The following PAH variants were observed in gnomAD, a reference collection of about 807,000 sequenced individuals.
PAH encodes phenylalanine-4-hydroxylase.
A neutral mutation model predicts 62.0 loss-of-function variants in PAH; 64 were observed. The observed-to-expected ratio is 1.03, with a 90% CI of 0.84 to 1.27. The LOEUF (loss-of-function observed/expected upper bound fraction) is 1.27, where lower values mean the gene tolerates loss of function less well. Ranked by LOEUF, PAH falls within the 50% of genes most tolerant of loss-of-function variation. The probability of loss-of-function intolerance (pLI) is 0.00; values close to 1 mark genes in which losing one functional copy is unlikely to be tolerated. For missense variants in PAH, 579 were observed against 542.8 expected, an observed-to-expected ratio of 1.07 and a Z score of -0.66; for synonymous variants, 195 against 196.2, an observed-to-expected ratio of 0.99 and a Z score of 0.05.
At chr12:102,875,384 A>G (rs963592860) in intron 4 of PAH, among the ~76,000 whole-genome samples, 2 of 152,218 alleles carry the variant, frequency 1.3e-5, no homozygotes, top group Non-Finnish European at 2.9e-5. Flanking sequence ...ACGAATGGGA[A>G]GAATGCCGGT....
Position 102,912,928 on chromosome 12 carries a change from A to G in PAH, c.61-30T>C, listed in dbSNP as rs1045021604. 3.4e-6 allele frequency: 5 copies of G among 1,460,624 alleles called. No individual in the cohort carries two copies. The African/African-American group carries it at 7.0e-5, about 20-fold the overall frequency. The allele number at this position is 1,460,624 out of a possible 1,614,324, so 90.5% of individuals were successfully genotyped here. A position where few individuals can be genotyped will look rare whatever the true frequency, so the allele number is the denominator to read the frequency against. On this transcript the variant is annotated intron_variant, in intron 1 of 12. Coordinates refer to ENST00000553106, the MANE Select transcript of PAH (RefSeq NM_000277.3). ...AGGATAAGATGCATTTGTTTAAAACATTTTCCACAGTTTAGCAATTCATTC... is the reference window on the plus strand; with the variant it reads ...AGGATAAGATGCATTTGTTTAAAACGTTTTCCACAGTTTAGCAATTCATTC...
At chr12:102,882,917 A>G (rs371338801) in intron 3 of PAH, among the ~76,000 whole-genome samples, 26 of 152,054 alleles carry the variant, frequency 1.7e-4, no homozygotes, top group East Asian at 1.2e-3. Context: ...TATGTGTTTT[A>G]TCAATGTTAA....
In PAH at chr12:102,957,343, C is replaced by T. The variant is rs980803794; in HGVS notation, c.-96+852G>A. Among the ~76,000 whole-genome samples the T allele has an allele frequency of 2.0e-5, 3 of 152,276 alleles. No homozygotes were observed. The South Asian group carries it at 6.2e-4, about 32-fold the overall frequency. On this transcript the variant is annotated intron_variant, in intron 1 of 4. Coordinates refer to the PAH transcript ENST00000551337. The surrounding 1 kb of genome is among the most constrained non-coding windows in gnomAD (Gnocchi z 4.1). ...GTCCCTCCTGTGACGCCCCCCACCCCCTTCCTAAAGCCACCCCCGGCAGCA... is the reference window on the plus strand; with the variant it reads ...GTCCCTCCTGTGACGCCCCCCACCCTCTTCCTAAAGCCACCCCCGGCAGCA...
At chr12:102,879,606 G>GGC (rs771189508) in intron 3 of PAH, among the ~76,000 whole-genome samples, 1 of 47,572 alleles carries the variant, frequency 2.1e-5, no homozygotes, top group Non-Finnish European at 4.6e-5. Flanking sequence ...TTTTACCTGT[G>GGC]GGGGGGGGGT....
At chr12:102,842,567 G>A (rs1874638184) in intron 11 of PAH, among the ~76,000 whole-genome samples, 1 of 152,166 alleles carries the variant, frequency 6.6e-6, no homozygotes. Flanking sequence ...TGTAAGGTAA[G>A]TGAATGAGCT....
intron 1 of PAH, among the ~76,000 whole-genome samples, chr12:102,928,187 T>C (rs971723874): frequency 4.6e-5 from 7 of 152,186 alleles, no homozygotes; most frequent in Non-Finnish European, 1.0e-4. Flanking sequence ...ATAGTAGTTG[T>C]ATATATTTGT....
intron 1 of PAH, among the ~76,000 whole-genome samples, chr12:102,944,557 T>C (rs182633183): frequency 6.6e-6 from 1 of 152,400 alleles, no homozygotes; most frequent in Admixed American, 6.5e-5. Flanking sequence ...TTCTTCAGTA[T>C]GTCTATTGCA....
At position 102,839,028 on chromosome 12, in the gene PAH, G is replaced by T; in HGVS notation, c.*147C>A. 2 of 713,602 alleles carry T rather than the reference G, an allele frequency of 2.8e-6. No individual in the cohort carries two copies. Among genetic ancestry groups the T allele is most frequent in the South Asian group, 3.2e-5 (2 of 63,046 alleles). 44.2% of individuals were successfully genotyped at this position (713,602 alleles called of 1,614,324 possible). ...ATATCCTGTCATTTCAGATTATTTT[G>T]ACTTATTTGTTGTTTCTCCATCTTG... On this transcript the variant is annotated 3_prime_UTR_variant, in exon 13 of 13. Transcript: ENST00000553106.
intron 4 of PAH, among the ~76,000 whole-genome samples, chr12:102,876,576 C>A (rs993080089): frequency 2.6e-5 from 4 of 152,238 alleles, no homozygotes; most frequent in African/African-American, 9.6e-5. Flanking sequence ...TTCTGCTCAA[C>A]CTTCACCGAT....
Position 102,839,204 on chromosome 12 carries a change from G to A in PAH, c.1330C>T (p.Leu444Phe), listed in dbSNP as rs1402168594. The A allele has an allele frequency of 9.3e-6, 15 of 1,613,736 alleles. No homozygotes were observed. The highest frequency in any genetic ancestry group is 1.2e-5 in the Non-Finnish European group (14 of 1,179,858). Residue 444 changes from leucine to phenylalanine, a missense_variant, in exon 13 of 13, where the codon CTT becomes TTT. Transcript: ENST00000553106. The part of the protein sequence containing the change: ...ADSINSEIGI[L>F]CSALQKIK Reference sequence around the variant, plus strand: ...TTTATTTTCTGGAGGGCACTGCAAAGGATTCCAATTTCACCTACAAAGAAA... The same window carrying A: ...TTTATTTTCTGGAGGGCACTGCAAAAGATTCCAATTTCACCTACAAAGAAA...
chr12:102,899,544 T>C (rs1246076970), intron 2 of PAH, among the ~76,000 whole-genome samples: 2 of 152,094 alleles, frequency 1.3e-5, no homozygotes, highest in Non-Finnish European at 2.9e-5. Flanking sequence ...AATTACACAA[T>C]GGAAGATTAG....
At chr12:102,924,867 C>T (rs575018169) in intron 1 of PAH, among the ~76,000 whole-genome samples, 3 of 152,068 alleles carry the variant, frequency 2.0e-5, no homozygotes, top group African/African-American at 7.2e-5. Context: ...GTGCCCTGAA[C>T]AATAAACTGT....
intron 3 of PAH, among the ~76,000 whole-genome samples, chr12:102,880,182 C>T (rs79797800): frequency 0.062 from 9,406 of 152,080 alleles, 366 homozygotes; most frequent in African/African-American, 0.1. Flanking sequence ...CGTGGCTTCC[C>T]GCCTTGTCAC....
upstream of PAH, among the ~76,000 whole-genome samples, chr12:102,917,862 AT>A (rs1217084241): frequency 6.6e-6 from 1 of 152,242 alleles, no homozygotes. Flanking sequence ...GGTTTTAAGA[AT>A]AGGAATAAAG....
chr12:102,867,492 A>C (rs10512929), intron 4 of PAH, among the ~76,000 whole-genome samples: 30,454 of 152,128 alleles, frequency 0.2, 4,441 homozygotes, highest in East Asian at 0.75. Context: ...ACTGATTGAA[A>C]GACAATTTTC....
At chr12:102,933,627 TATAAGCC>T (rs1277384108) in intron 1 of PAH, among the ~76,000 whole-genome samples, 1 of 152,094 alleles carries the variant, frequency 6.6e-6, no homozygotes, top group Non-Finnish European at 1.5e-5. Flanking sequence ...TATTTTGGAT[TATAAGCC>T]ATTTTAACTG....
At chr12:102,839,898 G>C (rs1290224981) in intron 12 of PAH, among the ~76,000 whole-genome samples, 2 of 152,220 alleles carry the variant, frequency 1.3e-5, no homozygotes, top group Non-Finnish European at 2.9e-5. Flanking sequence ...ACTAAAAATT[G>C]ATCAGTGTTG....
chr12:102,876,544 A>G (rs1171523818), intron 4 of PAH, among the ~76,000 whole-genome samples: 2 of 152,216 alleles, frequency 1.3e-5, no homozygotes, highest in Non-Finnish European at 2.9e-5. Flanking sequence ...ACTCCTGTGG[A>G]AGTGTAAATG....
At chr12:102,881,100 G>A (rs549593556) in intron 3 of PAH, among the ~76,000 whole-genome samples, 13 of 150,894 alleles carry the variant, frequency 8.6e-5, no homozygotes, top group East Asian at 3.9e-4. Context: ...TGCAACCTAC[G>A]CCTCCCGGGT....
Sources: allele counts gnomAD v4.1 joint callset (sites outside exome capture counted in the v4.1 genomes callset), GRCh38; gene constraint gnomAD v4.1.1; non-coding constraint Gnocchi (gnomAD v3.1); transcripts MANE v1.5; gene names NCBI Gene and HGNC (gene_info 2026-07-23, HGNC 2026-07-21).